DLG2: variants seen among roughly 807,000 people sequenced by gnomAD.
DLG2 encodes the protein disks large homolog 2.
Under a neutral mutation model 132.5 loss-of-function variants are expected in DLG2, and 45 were observed. The ratio of observed to expected loss-of-function variants is 0.34; its 90% confidence interval spans 0.27 to 0.44. The LOEUF is 0.44. DLG2 is among the 20% of genes least tolerant of loss of function. The pLI is 1.00. For missense variants in DLG2, 1,045 were observed against 1,196.9 expected, an observed-to-expected ratio of 0.87 and a Z score of 1.87; for synonymous variants, 424 against 419.6, an observed-to-expected ratio of 1.01 and a Z score of -0.13.
intron 3 of DLG2, among the ~76,000 whole-genome samples, chr11:85,581,515 G>A (rs1211953425): frequency 1.3e-5 from 2 of 152,132 alleles, no homozygotes; most frequent in Admixed American, 6.5e-5. Flanking sequence ...CTACTCGGGA[G>A]GCTGAGGCAG....
chr11:84,536,616 G>C (rs547488793), intron 6 of DLG2, among the ~76,000 whole-genome samples: 97 of 152,188 alleles, frequency 6.4e-4, no homozygotes, highest in Middle Eastern at 3.4e-3. Context: ...GCCCATTTTA[G>C]TTTCTCTGGC....
chr11:83,668,111 CCAAA>C (rs1193259550), intron 18 of DLG2, among the ~76,000 whole-genome samples: 2 of 101,362 alleles, frequency 2.0e-5, no homozygotes, highest in Admixed American at 9.1e-5. Context: ...AACAAAGAAA[CCAAA>C]CAAACAAAAT....
At chr11:83,819,494 A>AAAAAAAAAAAAAAAAAAGC (rs2050128146) in intron 17 of DLG2, among the ~76,000 whole-genome samples, 1 of 102,236 alleles carries the variant, frequency 9.8e-6, no homozygotes, top group Non-Finnish European at 1.8e-5. Flanking sequence ...AAAAAAAAAG[A>AAAAAAAAAAAAAAAAAAGC]AGAAAAGAAA....
At chr11:85,294,072 T>C (rs1247133328) in intron 3 of DLG2, among the ~76,000 whole-genome samples, 1 of 152,046 alleles carries the variant, frequency 6.6e-6, no homozygotes, top group Non-Finnish European at 1.5e-5. Context: ...TGAGAACCCG[T>C]ATCTACAAAA....
chr11:84,203,726 T>C (rs891757485), intron 8 of DLG2, among the ~76,000 whole-genome samples: 15 of 151,968 alleles, frequency 9.9e-5, no homozygotes, highest in African/African-American at 3.6e-4. Flanking sequence ...AACTGAATGA[T>C]GAGAACACAT....
intron 10 of DLG2, among the ~76,000 whole-genome samples, chr11:84,060,073 G>A (rs971903391): frequency 1.3e-5 from 2 of 152,122 alleles, no homozygotes; most frequent in Non-Finnish European, 2.9e-5. Context: ...AGCACTTTGG[G>A]AGGCCAAGGT....
chr11:84,581,547 T>C (rs2099516283), intron 6 of DLG2, among the ~76,000 whole-genome samples: 1 of 152,220 alleles, frequency 6.6e-6, no homozygotes, highest in East Asian at 1.9e-4. Context: ...AAACATATGA[T>C]AGACATTACT....
chr11:85,279,104 A>C (rs959274974), intron 4 of DLG2, among the ~76,000 whole-genome samples: 1 of 152,220 alleles, frequency 6.6e-6, no homozygotes, highest in South Asian at 2.1e-4. Context: ...ATGAAAGAAC[A>C]CCAAGTCCAA....
chr11:85,050,761 C>T (rs982105933), intron 6 of DLG2, among the ~76,000 whole-genome samples: 1 of 152,142 alleles, frequency 6.6e-6, no homozygotes, highest in Non-Finnish European at 1.5e-5. Context: ...TTGATTACCA[C>T]TCAATTTCTA....
At chr11:84,894,589 A>G (rs1401966809) in intron 6 of DLG2, among the ~76,000 whole-genome samples, 1 of 152,148 alleles carries the variant, frequency 6.6e-6, no homozygotes, top group Non-Finnish European at 1.5e-5. Context: ...TGTTCCAGTG[A>G]AGACAAGAAT....
intron 6 of DLG2, among the ~76,000 whole-genome samples, chr11:84,642,041 C>T (rs773688514): frequency 2.1e-5 from 3 of 142,794 alleles, no homozygotes; most frequent in African/African-American, 5.4e-5. Context: ...CACATGCATA[C>T]GTATATATGT....
intron 6 of DLG2, among the ~76,000 whole-genome samples, chr11:84,841,841 T>A (rs924849740): frequency 2.0e-5 from 3 of 152,020 alleles, no homozygotes; most frequent in African/African-American, 4.8e-5. Context: ...ATTTGATGCA[T>A]CATAATTTTT....
intron 6 of DLG2, among the ~76,000 whole-genome samples, chr11:84,949,554 C>A (rs2154101844): frequency 6.6e-6 from 1 of 152,198 alleles, no homozygotes; most frequent in East Asian, 1.9e-4. Flanking sequence ...CAGAGACCTA[C>A]CCCTAGGTGC....
intron 8 of DLG2, among the ~76,000 whole-genome samples, chr11:84,171,306 T>C (rs900804315): frequency 6.6e-6 from 1 of 152,162 alleles, no homozygotes; most frequent in East Asian, 1.9e-4. Flanking sequence ...CATGGATATA[T>C]TGCTTAGTGG....
intron 6 of DLG2, among the ~76,000 whole-genome samples, chr11:84,707,370 C>T (rs752694203): frequency 1.2e-4 from 18 of 151,778 alleles, no homozygotes; most frequent in South Asian, 2.1e-4. Context: ...GTTTTGGGCA[C>T]ATGCAAATTC....
intron 19 of DLG2, among the ~76,000 whole-genome samples, chr11:83,547,449 A>C (rs1167289520): frequency 6.6e-6 from 1 of 152,148 alleles, no homozygotes; most frequent in Non-Finnish European, 1.5e-5. Flanking sequence ...GAAGTGGAAG[A>C]GGAAGACAAA....
At position 84,672,093 on chromosome 11, in the gene DLG2, G is replaced by A. The variant is rs2099706503; in HGVS notation, c.358-137362C>T. On this transcript the variant is annotated intron_variant, in intron 6 of 27. Coordinates refer to ENST00000376104, the MANE Select transcript of DLG2 (RefSeq NM_001142699.3). ...TTGTATTCTAGACCTGGCTCCAAAT[G>A]TTGGTGATATAATGGAACAAATCAT... is the stretch of plus-strand genomic sequence containing the variant. Among the ~76,000 whole-genome samples the A allele has an allele frequency of 1.3e-5, 2 of 152,150 alleles. 1 individual carries two copies. Among genetic ancestry groups the A allele is most frequent in the South Asian group, 4.1e-4 (2 of 4,824 alleles).
At chr11:83,855,079 C>T (rs1204171087) in intron 16 of DLG2, among the ~76,000 whole-genome samples, 4 of 152,118 alleles carry the variant, frequency 2.6e-5, no homozygotes, top group Admixed American at 2.6e-4. Context: ...AGACGCCTCA[C>T]ATCATATATC....
chr11:84,205,479 G>A (rs1459494919), intron 8 of DLG2, among the ~76,000 whole-genome samples: 1 of 151,240 alleles, frequency 6.6e-6, no homozygotes, highest in African/African-American at 2.4e-5. Flanking sequence ...ACTACACTGG[G>A]CCATAAAACA....
Sources: gnomAD v4.1 joint callset for allele counts (sites outside exome capture counted in the v4.1 genomes callset) on GRCh38, gnomAD v4.1.1 for gene constraint, MANE v1.5 for transcripts, NCBI Gene and HGNC (gene_info 2026-07-23, HGNC 2026-07-21) for gene names.